Variants in TCF20 observed in about 807,000 individuals in gnomAD.
The protein encoded by TCF20 is SPRE-binding protein.
A neutral mutation model predicts 148.6 loss-of-function variants in TCF20; 3 were observed. The observed-to-expected ratio is 0.02, with a 90% CI of 0.01 to 0.05. The LOEUF is 0.05. Ranked by LOEUF, TCF20 falls within the 10% of genes least tolerant of loss-of-function variation. The probability of loss-of-function intolerance (pLI) is 1.00; values close to 1 mark genes in which losing one functional copy is unlikely to be tolerated. For synonymous variants in TCF20, 1,049 were observed against 909.5 expected (o/e 1.15, Z -2.76); for missense variants, 2,350 against 2,429.3 (o/e 0.97, Z 0.69).
chr22:42,215,272 C>T lies in TCF20; in HGVS notation c.34G>A (p.Gly12Arg), dbSNP rs568221069. 9.3e-6 allele frequency: 15 copies of T among 1,613,844 alleles called. No homozygotes were observed. The East Asian group carries it at 1.1e-4, about 12-fold the overall frequency. ...QSFREQSSYHGNQQSYPQEVH... is the reference protein window; with the variant it reads ...QSFREQSSYHRNQQSYPQEVH... ...TCCTGTGGGTAGCTTTGCTGGTTTC[C>T]GTGGTAACTGCTTTGCTCCCGAAAG... The change falls in exon 2 of 6, where the codon GGA becomes AGA. Residue 12 changes from glycine to arginine, a missense_variant. Physicochemically the swap from Gly to Arg is moderately radical, Grantham distance 125. Transcript: ENST00000677622.
At chr22:42,202,478 C>A (rs1317716017) in intron 2 of TCF20, among the ~76,000 whole-genome samples, 2 of 152,198 alleles carry the variant, frequency 1.3e-5, no homozygotes, top group Non-Finnish European at 1.5e-5. Flanking sequence ...ACAACAAGTC[C>A]TGGAATTCAT....
intron 2 of TCF20, among the ~76,000 whole-genome samples, chr22:42,180,520 T>TA (rs1311266138): frequency 1.3e-5 from 2 of 152,162 alleles, no homozygotes; most frequent in Non-Finnish European, 2.9e-5. Flanking sequence ...CATGTGACCC[T>TA]ACTAAGGATG....
intron 1 of TCF20, among the ~76,000 whole-genome samples, chr22:42,224,457 C>T (rs903253415): frequency 4.3e-5 from 6 of 138,986 alleles, no homozygotes; most frequent in Non-Finnish European, 7.6e-5. Flanking sequence ...ACAAGCGAGA[C>T]TCTGTCTCAA....
At chr22:42,197,370 T>C (rs1937646589) in intron 2 of TCF20, among the ~76,000 whole-genome samples, 1 of 150,506 alleles carries the variant, frequency 6.6e-6, no homozygotes, top group Non-Finnish European at 1.5e-5. Context: ...TCGCCCAGGC[T>C]GGAGGGCAGT....
Position 42,210,519 on chromosome 22 carries a change from C to T in TCF20, c.4787G>A (p.Arg1596Gln), listed in dbSNP as rs1812084136. The change falls in exon 2 of 6, where the codon CGA becomes CAA. Residue 1596 changes from arginine (R) to glutamine (Q), a missense_variant. Arg to Gln is a conservative substitution (Grantham distance 43). This residue lies in a region of TCF20 where 374 missense variants were observed against 398.3 expected (regional missense o/e 0.94). Coordinates refer to ENST00000677622, the MANE Select transcript of TCF20 (RefSeq NM_001378418.1). This position sits in a 1 kb window ranked among gnomAD's most constrained non-coding sequence, Gnocchi z 4.7. ...RRKPGAQPRK[R>Q]KTKQAVPIVE... ...AATGGGAACTGCTTGTTTGGTTTTT[C>T]GCTTCCTCGGCTGGGCCCCAGGCTT... 4 of 1,614,192 alleles carry T rather than the reference C, an allele frequency of 2.5e-6. No individual in the cohort carries two copies. Among genetic ancestry groups the T allele is most frequent in the Middle Eastern group, 1.6e-4 (1 of 6,062 alleles).
At chr22:42,312,988 A>T (rs1432205098) in intron 1 of TCF20, among the ~76,000 whole-genome samples, 1 of 152,118 alleles carries the variant, frequency 6.6e-6, no homozygotes, top group Non-Finnish European at 1.5e-5. Flanking sequence ...CCTGTCCAGG[A>T]ATGCTCAGGA....
rs371104268 is a variant in TCF20 at position 42,247,156 on chromosome 22, C to T, written c.-37+23183G>A. ...TATAACTATCTCAAAAGATGGAGAA[C>T]AGGCTGCACGCGGTGGCTCATACCT... is the stretch of plus-strand genomic sequence containing the variant. On this transcript the variant is annotated intron_variant, in intron 1 of 5. Coordinates refer to ENST00000677622, the MANE Select transcript of TCF20 (RefSeq NM_001378418.1). Among the ~76,000 whole-genome samples, 12 of 151,712 alleles carry T rather than the reference C, an allele frequency of 7.9e-5. No individual in the cohort carries two copies. In the South Asian group the frequency reaches 1.7e-3, roughly 21 times the overall value.
intron 4 of TCF20, 89 bp from the exon 5 acceptor site, chr22:42,168,825 A>G (rs1004748988): frequency 3.5e-6 from 5 of 1,441,358 alleles, no homozygotes; most frequent in Non-Finnish European, 4.6e-6. Context: ...GGAGTGGCAC[A>G]TGGAAAAGGA....
intron 2 of TCF20, among the ~76,000 whole-genome samples, chr22:42,207,670 C>T (rs2147186410): frequency 6.6e-6 from 1 of 152,266 alleles, no homozygotes; most frequent in African/African-American, 2.4e-5. Flanking sequence ...ACAAAATTAG[C>T]TGTGCATGGT....
In TCF20 at chr22:42,235,213, TATG is replaced by T. The variant is rs1347682645; in HGVS notation, c.-36-19875_-36-19873del. Among the ~76,000 whole-genome samples the T allele has an allele frequency of 3.3e-5, 5 of 151,418 alleles. No homozygotes were observed. In the South Asian group the frequency reaches 8.3e-4, roughly 25 times the overall value. ...CTTATTTTAGGGTGCAAGCCATAAC[TATG>T]ATAAGGAGGGTGCCATGTATAAATG... On this transcript the variant is annotated intron_variant, in intron 1 of 5. Transcript: ENST00000677622.
At chr22:42,161,578 G>A (rs1935462931) in intron 5 of TCF20, among the ~76,000 whole-genome samples, 1 of 152,204 alleles carries the variant, frequency 6.6e-6, no homozygotes, top group Admixed American at 6.5e-5. Flanking sequence ...GACCTAGTGG[G>A]GGTGCTGGGG....
intron 1 of TCF20, among the ~76,000 whole-genome samples, chr22:42,269,286 T>C (rs1166999021): frequency 6.6e-6 from 1 of 151,948 alleles, no homozygotes; most frequent in Non-Finnish European, 1.5e-5. Context: ...ACCAGAGACA[T>C]CTAATCTTCG....
At chr22:42,301,025 T>G (rs1265945634) in intron 1 of TCF20, among the ~76,000 whole-genome samples, 3 of 152,004 alleles carry the variant, frequency 2.0e-5, no homozygotes, top group Admixed American at 2.0e-4. Flanking sequence ...GCTACCTCTG[T>G]AGGGTGGCGG....
chr22:42,318,597 G>A (rs961957200), intron 1 of TCF20, among the ~76,000 whole-genome samples: 22 of 152,110 alleles, frequency 1.4e-4, no homozygotes, highest in East Asian at 3.9e-4. Context: ...TCAGGATGCC[G>A]CCCTCTGCCC....
intron 1 of TCF20, among the ~76,000 whole-genome samples, chr22:42,264,355 TACA>T (rs925754122): frequency 3.2e-4 from 48 of 152,174 alleles, no homozygotes; most frequent in African/African-American, 1.1e-3. Flanking sequence ...TCACCAATAT[TACA>T]ATACATCTCC....
At chr22:42,179,523 A>T (rs1417934531) in intron 3 of TCF20, 86 bp downstream of exon 3, 2 of 969,042 alleles carry the variant, frequency 2.1e-6, no homozygotes, top group Non-Finnish European at 3.0e-6. Context: ...AAAAGAAAAG[A>T]AAAAAAACAA....
chr22:42,220,117 T>A (rs760929261), intron 1 of TCF20, among the ~76,000 whole-genome samples: 2 of 152,130 alleles, frequency 1.3e-5, no homozygotes, highest in African/African-American at 4.8e-5. Flanking sequence ...AAAACCAACA[T>A]TGGCTTTCTC....
At chr22:42,322,545 A>T (rs972636301) in intron 1 of TCF20, among the ~76,000 whole-genome samples, 5 of 151,822 alleles carry the variant, frequency 3.3e-5, no homozygotes, top group Non-Finnish European at 7.4e-5. Flanking sequence ...GGCAGAGGAG[A>T]GGAAGGACGT....
intron 1 of TCF20, among the ~76,000 whole-genome samples, chr22:42,240,783 T>G (rs1924323935): frequency 6.6e-6 from 1 of 151,988 alleles, no homozygotes; most frequent in Non-Finnish European, 1.5e-5. Flanking sequence ...AAGACTGAAG[T>G]AGAAGTAAAT....
Sources: allele counts gnomAD v4.1 joint callset (sites outside exome capture counted in the v4.1 genomes callset), GRCh38; gene constraint gnomAD v4.1.1; regional missense constraint gnomAD v4.1.1; non-coding constraint Gnocchi (gnomAD v3.1); transcripts MANE v1.5; gene names NCBI Gene and HGNC (gene_info 2026-07-23, HGNC 2026-07-21).